ASCC1: variants seen among roughly 807,000 people sequenced by gnomAD.
ASCC1 encodes the protein ASC-1 complex subunit P50.
ASCC1 carries 35 observed loss-of-function variants against 46.6 expected under a neutral mutation model. The ratio of observed to expected loss-of-function variants is 0.75; its 90% confidence interval spans 0.57 to 0.99. The LOEUF (loss-of-function observed/expected upper bound fraction) is 0.99, where lower values mean the gene tolerates loss of function less well. Among genes scored for constraint, ASCC1 ranks in the 50% least tolerant of loss-of-function variants. The pLI is 0.00. For missense variants in ASCC1, 376 were observed against 428.7 expected, an observed-to-expected ratio of 0.88 and a Z score of 1.09; for synonymous variants, 143 against 146.6, an observed-to-expected ratio of 0.98 and a Z score of 0.18.
At chr10:72,136,819 C>T (rs774082491) in intron 7 of ASCC1, among the ~76,000 whole-genome samples, 10 of 148,980 alleles carry the variant, frequency 6.7e-5, no homozygotes, top group Admixed American at 1.3e-4. Flanking sequence ...CAAACAACTC[C>T]GGATGCGCCA....
chr10:72,210,978 GCT>G, intron 2 of ASCC1, 147 bp from the exon 3 acceptor site: 2 of 720,764 alleles, frequency 2.8e-6, no homozygotes, highest in South Asian at 3.0e-5. Context: ...CCATGACACT[GCT>G]CTGATACTCC....
chr10:72,183,105 CAATCTCAGCT>C (rs1852892060), intron 5 of ASCC1, among the ~76,000 whole-genome samples: 2 of 148,060 alleles, frequency 1.4e-5, no homozygotes, highest in Admixed American at 6.8e-5. Context: ...TGCAGTGGTG[CAATCTCAGCT>C]CACTGCAACC....
At chr10:72,171,015 G>A (rs1441054357) in intron 5 of ASCC1, among the ~76,000 whole-genome samples, 1 of 152,010 alleles carries the variant, frequency 6.6e-6, no homozygotes, top group Non-Finnish European at 1.5e-5. Flanking sequence ...AGGGTTAAAG[G>A]GCTATGACAT....
chr10:72,128,939 A>T (rs951245562), intron 8 of ASCC1, among the ~76,000 whole-genome samples: 1 of 152,248 alleles, frequency 6.6e-6, no homozygotes, highest in African/African-American at 2.4e-5. Flanking sequence ...GAATTAACTC[A>T]GAATATTTTC....
chr10:72,132,408 G>C (rs779444649), intron 8 of ASCC1, among the ~76,000 whole-genome samples: 31 of 152,198 alleles, frequency 2.0e-4, no homozygotes, highest in Non-Finnish European at 3.8e-4. Context: ...CCAAATCAAG[G>C]ATTAAAACAA....
intron 4 of ASCC1, among the ~76,000 whole-genome samples, chr10:72,202,848 TCTC>T (rs1201694493): frequency 1.3e-5 from 2 of 152,078 alleles, no homozygotes; most frequent in African/African-American, 4.8e-5. Flanking sequence ...TGAAAAGAAA[TCTC>T]CTAATACACA....
intron 9 of ASCC1, among the ~76,000 whole-genome samples, chr10:72,115,069 C>G (rs1843349233): frequency 6.6e-6 from 1 of 152,196 alleles, no homozygotes; most frequent in African/African-American, 2.4e-5. Context: ...ATAAAAAATA[C>G]AGGTGGTGGG....
intron 4 of ASCC1, chr10:72,198,677 G>A (rs1455361634): frequency 2.2e-6 from 1 of 455,922 alleles, no homozygotes; most frequent in African/African-American, 2.0e-5. Context: ...TAATTTAGGA[G>A]ACACAAAAGA....
At chr10:72,137,281 C>A (rs961649163) in intron 7 of ASCC1, among the ~76,000 whole-genome samples, 20 of 151,892 alleles carry the variant, frequency 1.3e-4, no homozygotes, top group Admixed American at 1.3e-4. Flanking sequence ...GTAATCCCAG[C>A]ACTTTGGGAG....
intron 7 of ASCC1, among the ~76,000 whole-genome samples, chr10:72,151,451 G>C (rs1287684847): frequency 6.6e-6 from 1 of 151,806 alleles, no homozygotes; most frequent in Non-Finnish European, 1.5e-5. Flanking sequence ...GTTGTGGTGT[G>C]GGGGGCCGGG....
At position 72,096,941 on chromosome 10, in the gene ASCC1, C is replaced by A; in HGVS notation, c.*393G>T. ...AATTACTGTTTAATGGGTACAGTTT[C>A]CATTTTACAAGCTGAGAAGCCTATG... On this transcript the variant is annotated 3_prime_UTR_variant, in exon 10 of 10. Transcript: ENST00000672957. 2.2e-6 allele frequency: 1 copy of A among 454,336 alleles called. No individual in the cohort carries two copies. The highest frequency in any genetic ancestry group is 1.6e-5 in the South Asian group (1 of 64,472). 28.1% of individuals were successfully genotyped at this position (454,336 alleles called of 1,614,324 possible). A position where few individuals can be genotyped will look rare whatever the true frequency, so the allele number is the denominator to read the frequency against.
At chr10:72,209,037 C>T (rs1182919570) in intron 3 of ASCC1, among the ~76,000 whole-genome samples, 5 of 151,460 alleles carry the variant, frequency 3.3e-5, no homozygotes, top group African/African-American at 1.2e-4. Flanking sequence ...TGGTGGCACA[C>T]ACCTGTAGTC....
intron 5 of ASCC1, among the ~76,000 whole-genome samples, chr10:72,183,896 C>G (rs567652906): frequency 6.6e-6 from 1 of 152,208 alleles, no homozygotes; most frequent in South Asian, 2.1e-4. Context: ...GTAATCCCAG[C>G]ACTTTGGGAG....
At chr10:72,199,386 C>T (rs1438234928) in intron 4 of ASCC1, among the ~76,000 whole-genome samples, 2 of 151,520 alleles carry the variant, frequency 1.3e-5, no homozygotes, top group South Asian at 2.1e-4. Context: ...CAACCTCCGC[C>T]TCCCGGGTTC....
intron 5 of ASCC1, among the ~76,000 whole-genome samples, chr10:72,176,866 G>A (rs549069134): frequency 2.6e-5 from 4 of 152,078 alleles, no homozygotes; most frequent in South Asian, 2.1e-4. Flanking sequence ...CCATTTGCCA[G>A]CCTGGCACAA....
At chr10:72,202,880 A>G (rs1364951751) in intron 4 of ASCC1, among the ~76,000 whole-genome samples, 1 of 152,200 alleles carries the variant, frequency 6.6e-6, no homozygotes, top group Non-Finnish European at 1.5e-5. Flanking sequence ...TGGAAGCTTT[A>G]TTCCATCAAT....
intron 9 of ASCC1, among the ~76,000 whole-genome samples, chr10:72,122,572 G>A (rs1322857454): frequency 6.6e-6 from 1 of 152,016 alleles, no homozygotes; most frequent in Non-Finnish European, 1.5e-5. Context: ...AGGAGTTAGA[G>A]AACAGCCTGG....
At chr10:72,198,499 G>T (rs888518757) in intron 4 of ASCC1, 8 of 454,546 alleles carry the variant, frequency 1.8e-5, no homozygotes, top group African/African-American at 1.6e-4. Context: ...GATTGCCTGA[G>T]GCCAGGAGTT....
intron 1 of ASCC1, 89 bp from the exon 2 acceptor site, chr10:72,213,420 G>A (rs975439327): frequency 1.4e-6 from 1 of 729,084 alleles, no homozygotes; most frequent in Admixed American, 2.0e-5. Flanking sequence ...GTCTGAATTG[G>A]GCATCAGTTC....
Sources: gnomAD v4.1 joint callset for allele counts (sites outside exome capture counted in the v4.1 genomes callset) on GRCh38, gnomAD v4.1.1 for gene constraint, MANE v1.5 for transcripts, NCBI Gene and HGNC (gene_info 2026-07-23, HGNC 2026-07-21) for gene names.